UMAD1: variants seen among roughly 807,000 people sequenced by gnomAD.
UMAD1 encodes the protein UBAP1-MVB12-associated (UMA) domain containing 1.
UMAD1 carries 8 observed loss-of-function variants against 6.1 expected under a neutral mutation model. The ratio of observed to expected loss-of-function variants is 1.30; its 90% CI spans 0.76 to 2.35. The LOEUF (loss-of-function observed/expected upper bound fraction) is 2.35, where lower values mean the gene tolerates loss of function less well. Among genes scored for constraint, UMAD1 ranks in the 30% most tolerant of loss-of-function variants. The probability of loss-of-function intolerance (pLI) is 0.00; values close to 1 mark genes in which losing one functional copy is unlikely to be tolerated. For synonymous variants in UMAD1, 56 were observed against 31.4 expected (o/e 1.78, Z -2.61); for missense variants, 130 against 78.4 (o/e 1.66, Z -2.49).
intron 2 of UMAD1, among the ~76,000 whole-genome samples, chr7:7,691,089 C>G (rs1178569678): frequency 1.3e-5 from 2 of 152,124 alleles, no homozygotes; most frequent in Non-Finnish European, 2.9e-5. Flanking sequence ...TGGAACTGAG[C>G]AGAAGTGTTA....
At chr7:7,788,578 C>CA (rs1488093212) in intron 2 of UMAD1, among the ~76,000 whole-genome samples, 2 of 152,098 alleles carry the variant, frequency 1.3e-5, no homozygotes. Context: ...TAGGATCTAC[C>CA]AGTAGCAGGC....
intron 2 of UMAD1, among the ~76,000 whole-genome samples, chr7:7,732,092 C>T (rs373891760): frequency 1.1e-4 from 17 of 151,992 alleles, no homozygotes; most frequent in Non-Finnish European, 2.1e-4. Flanking sequence ...ATTACTTGCT[C>T]TAGCCATTGA....
At chr7:7,702,401 A>G (rs996379713) in intron 2 of UMAD1, among the ~76,000 whole-genome samples, 1 of 152,134 alleles carries the variant, frequency 6.6e-6, no homozygotes, top group Non-Finnish European at 1.5e-5. Flanking sequence ...TTTTAAATTG[A>G]TATTTTATGA....
intron 2 of UMAD1, among the ~76,000 whole-genome samples, chr7:7,677,675 T>TTTTTTG (rs1779780183): frequency 8.1e-6 from 1 of 123,768 alleles, no homozygotes; most frequent in Non-Finnish European, 1.7e-5. Context: ...TTTTTTTTTT[T>TTTTTTG]TTTTTTTTTT....
intron 3 of UMAD1, among the ~76,000 whole-genome samples, chr7:7,851,607 G>T (rs897117555): frequency 4.6e-5 from 7 of 152,122 alleles, no homozygotes; most frequent in African/African-American, 1.7e-4. Flanking sequence ...TGCTGGGTGA[G>T]AACTGGTATT....
intron 2 of UMAD1, among the ~76,000 whole-genome samples, chr7:7,713,953 G>A (rs879533204): frequency 1.8e-4 from 27 of 152,126 alleles, no homozygotes; most frequent in Admixed American, 3.3e-4. Flanking sequence ...TCCTGCCTTG[G>A]CCTCCTGAGT....
chr7:7,705,439 T>C (rs1230074104), intron 2 of UMAD1, among the ~76,000 whole-genome samples: 81 of 152,220 alleles, frequency 5.3e-4, no homozygotes, highest in Non-Finnish European at 2.9e-5. Flanking sequence ...TTTAAGTTAA[T>C]GTAATTGGTT....
chr7:7,661,572 A>C (rs1785475052), intron 1 of UMAD1, among the ~76,000 whole-genome samples: 1 of 152,122 alleles, frequency 6.6e-6, no homozygotes, highest in African/African-American at 2.4e-5. Context: ...CGTGTGCTGC[A>C]GGTCTGCTGA....
chr7:7,819,882 G>T (rs916004390), intron 3 of UMAD1, among the ~76,000 whole-genome samples: 2 of 152,124 alleles, frequency 1.3e-5, no homozygotes, highest in Non-Finnish European at 1.5e-5. Flanking sequence ...TTTTGGATGA[G>T]GCTCTGTTAA....
At chr7:7,686,964 A>G (rs1401599565) in intron 2 of UMAD1, among the ~76,000 whole-genome samples, 4 of 152,214 alleles carry the variant, frequency 2.6e-5, no homozygotes, top group African/African-American at 4.8e-5. Flanking sequence ...ATCTAAGACC[A>G]TGAGAACTAG....
chr7:7,722,530 G>GA (rs1252950374), intron 2 of UMAD1, among the ~76,000 whole-genome samples: 1 of 152,154 alleles, frequency 6.6e-6, no homozygotes, highest in Non-Finnish European at 1.5e-5. Context: ...TGTATGTGGA[G>GA]AACTAAGGAA....
intron 2 of UMAD1, among the ~76,000 whole-genome samples, chr7:7,792,687 C>G (rs1054320813): frequency 1.3e-5 from 2 of 152,170 alleles, no homozygotes; most frequent in African/African-American, 4.8e-5. Flanking sequence ...CCCCTCCCAT[C>G]CTCTCTGTCT....
At chr7:7,710,304 T>C (rs1343462087) in intron 2 of UMAD1, among the ~76,000 whole-genome samples, 1 of 152,002 alleles carries the variant, frequency 6.6e-6, no homozygotes. Flanking sequence ...TATGCAAAAA[T>C]TGCCCAAAAT....
chr7:7,812,784 C>G (rs1468320434), intron 3 of UMAD1, among the ~76,000 whole-genome samples: 2 of 144,288 alleles, frequency 1.4e-5, no homozygotes, highest in African/African-American at 5.1e-5. Context: ...CAACTGTTCC[C>G]TATTTCACAC....
At chr7:7,842,561 C>G (rs1783702483) in intron 3 of UMAD1, among the ~76,000 whole-genome samples, 1 of 151,166 alleles carries the variant, frequency 6.6e-6, no homozygotes, top group Admixed American at 6.6e-5. Context: ...AACCTGTGGG[C>G]AGTTCCCTGA....
chr7:7,869,663 A>G (rs768358599), intron 3 of UMAD1, among the ~76,000 whole-genome samples: 9 of 152,244 alleles, frequency 5.9e-5, no homozygotes, highest in African/African-American at 9.6e-5. Flanking sequence ...TGACTTTCAT[A>G]TTAATAAAAT....
At chr7:7,778,492 C>T (rs1457429921) in intron 2 of UMAD1, among the ~76,000 whole-genome samples, 2 of 151,408 alleles carry the variant, frequency 1.3e-5, no homozygotes, top group Non-Finnish European at 2.9e-5. Context: ...GGTGCGATCA[C>T]AGCTCAATGC....
At chr7:7,813,571 C>CATACATA (rs1387258913) in intron 3 of UMAD1, among the ~76,000 whole-genome samples, 1 of 149,560 alleles carries the variant, frequency 6.7e-6, no homozygotes, top group East Asian at 2.0e-4. Context: ...CGTAAGAGCA[C>CATACATA]AGTGATAGTG....
chr7:7,878,365 A>G lies in UMAD1; in HGVS notation c.*827A>G, dbSNP rs1784463548. 1 of 152,216 alleles carries G rather than the reference A, an allele frequency of 6.6e-6. No individual in the cohort carries two copies. The highest frequency in any genetic ancestry group is 2.4e-5 in the African/African-American group (1 of 41,448). The allele number at this position is 152,216 out of a possible 1,614,324, so 9.4% of individuals were successfully genotyped here. Reference sequence around the variant, plus strand: ...GCCTCCTGAAGAAAAACATCTCATGATGATACATATTATTGCTGATAACAC... The same window carrying G: ...GCCTCCTGAAGAAAAACATCTCATGGTGATACATATTATTGCTGATAACAC... On this transcript the variant is annotated 3_prime_UTR_variant, in exon 4 of 4. Coordinates refer to ENST00000682710, the MANE Select transcript of UMAD1 (RefSeq NM_001302348.2).
Sources: gnomAD v4.1 joint callset for allele counts (sites outside exome capture counted in the v4.1 genomes callset) on GRCh38, gnomAD v4.1.1 for gene constraint, MANE v1.5 for transcripts, NCBI Gene and HGNC (gene_info 2026-07-23, HGNC 2026-07-21) for gene names.